TRAF3: variants seen among roughly 807,000 people sequenced by gnomAD.
TRAF3 encodes the protein TNF receptor-associated factor 3.
Under a neutral mutation model 62.3 loss-of-function variants are expected in TRAF3, and 13 were observed. That is an observed-to-expected ratio of 0.21 (90% CI 0.14 to 0.33). The LOEUF is 0.33. Ranked by LOEUF, TRAF3 falls within the 10% of genes least tolerant of loss-of-function variation. The pLI is 1.00. For synonymous variants in TRAF3, 269 were observed against 283.4 expected, an observed-to-expected ratio of 0.95 and a Z score of 0.51; for missense variants, 440 against 741.8, an observed-to-expected ratio of 0.59 and a Z score of 4.73.
At chr14:102,813,593 G>A (rs1278885952) in intron 1 of TRAF3, among the ~76,000 whole-genome samples, 5 of 151,878 alleles carry the variant, frequency 3.3e-5, no homozygotes, top group Non-Finnish European at 5.9e-5. Flanking sequence ...TGGGACTACA[G>A]GCGCACACCA....
intron 1 of TRAF3, among the ~76,000 whole-genome samples, chr14:102,784,107 G>A (rs1393050079): frequency 6.6e-6 from 1 of 151,430 alleles, no homozygotes; most frequent in African/African-American, 2.4e-5. Flanking sequence ...GTTTAGGTAA[G>A]TAATTCTCCC....
chr14:102,784,424 C>T (rs368317395), intron 1 of TRAF3, among the ~76,000 whole-genome samples: 4 of 152,036 alleles, frequency 2.6e-5, no homozygotes, highest in South Asian at 4.1e-4. Flanking sequence ...GGTTTCACCA[C>T]GTTGGCCAGG....
intron 2 of TRAF3, among the ~76,000 whole-genome samples, chr14:102,850,968 G>A (rs925267087): frequency 3.9e-5 from 6 of 152,144 alleles, no homozygotes; most frequent in Non-Finnish European, 8.8e-5. Flanking sequence ...ATAGGCAGTG[G>A]CCTCAGATTC....
In TRAF3 at chr14:102,848,835, G is replaced by A. The variant is rs1328288534; in HGVS notation, c.-18+18363G>A. Among the ~76,000 whole-genome samples the A allele has an allele frequency of 2.0e-5, 3 of 152,200 alleles. No individual in the cohort carries two copies. The East Asian group carries it at 5.8e-4, about 29-fold the overall frequency. ...TGGACATGTTCTTCTGCCTGTGGGT[G>A]GATATAGAGGCTCGATCGCTTTCTG... On this transcript the variant is annotated intron_variant, in intron 2 of 11. Transcript: ENST00000392745.
At chr14:102,861,725 G>A (rs1387368264) in intron 2 of TRAF3, among the ~76,000 whole-genome samples, 1 of 152,146 alleles carries the variant, frequency 6.6e-6, no homozygotes, top group Non-Finnish European at 1.5e-5. Context: ...GTGAAAGCAA[G>A]TTTATTATAG....
Position 102,875,717 on chromosome 14 carries a change from G to C in TRAF3, c.391G>C (p.Gly131Arg), listed in dbSNP as rs1247291316. 4 of 1,613,686 alleles carry C rather than the reference G, an allele frequency of 2.5e-6. No individual in the cohort carries two copies. Among genetic ancestry groups the C allele is most frequent in the Non-Finnish European group, 3.4e-6 (4 of 1,179,760 alleles). ...AGGTTGTGCAGAGCAGTTAATGCTG[G>C]GACATCTGCTGGTGAGTAGCAAAGG... ...SRGCAEQLMLGHLLVHLKNDC... is the reference protein window; with the variant it reads ...SRGCAEQLMLRHLLVHLKNDC... The change falls in exon 5 of 12, where the codon GGA becomes CGA. Residue 131 changes from glycine to arginine, a missense_variant. By Grantham distance (125) the Gly-to-Arg change is moderately radical. This residue lies in a region of TRAF3 where 255 missense variants were observed against 424.1 expected (regional missense o/e 0.60). Transcript: ENST00000392745.
intron 6 of TRAF3, among the ~76,000 whole-genome samples, chr14:102,879,538 C>T (rs951860568): frequency 4.6e-5 from 7 of 152,024 alleles, no homozygotes; most frequent in South Asian, 2.1e-4. Flanking sequence ...GGATTATAGG[C>T]GTGAGCCATC....
Position 102,909,100 on chromosome 14 carries a change from G to A in TRAF3, c.*3316G>A, listed in dbSNP as rs1166773073. The A allele has an allele frequency of 6.6e-6, 1 of 152,416 alleles. No individual in the cohort carries two copies. Among genetic ancestry groups the A allele is most frequent in the Admixed American group, 6.5e-5 (1 of 15,290 alleles). 9.4% of individuals were successfully genotyped at this position (152,416 alleles called of 1,614,324 possible). A position where few individuals can be genotyped will look rare whatever the true frequency, so the allele number is the denominator to read the frequency against. ...GGGTGTGGAAGTGGGGGACCCACGG[G>A]GCCTGGCTTTGGGACTAGACATGCC... On this transcript the variant is annotated 3_prime_UTR_variant, in exon 12 of 12. Coordinates refer to ENST00000392745, the MANE Select transcript of TRAF3 (RefSeq NM_145725.3).
At chr14:102,839,574 C>CA (rs1302907639) in intron 2 of TRAF3, among the ~76,000 whole-genome samples, 2 of 152,184 alleles carry the variant, frequency 1.3e-5, no homozygotes, top group Admixed American at 1.3e-4. Context: ...TTACTTTCAA[C>CA]AGTGAAGAAA....
At chr14:102,803,007 C>A (rs1425377474) in intron 1 of TRAF3, among the ~76,000 whole-genome samples, 1 of 152,154 alleles carries the variant, frequency 6.6e-6, no homozygotes, top group African/African-American at 2.4e-5. Context: ...GGGGGAAAAG[C>A]CCCTTGTAAA....
chr14:102,893,611 A>G (rs774136555), intron 9 of TRAF3, among the ~76,000 whole-genome samples: 24 of 152,158 alleles, frequency 1.6e-4, no homozygotes, highest in Non-Finnish European at 3.2e-4. Flanking sequence ...AAACCCCAGG[A>G]CATACCAGAG....
intron 2 of TRAF3, among the ~76,000 whole-genome samples, chr14:102,857,425 A>C (rs1887436277): frequency 1.3e-5 from 2 of 152,252 alleles, no homozygotes; most frequent in Admixed American, 6.5e-5. Flanking sequence ...ATTTGTATAA[A>C]GTGCAGCAAG....
Position 102,903,427 on chromosome 14 carries a change from C to T in TRAF3, c.1133C>T (p.Thr378Ile). 6.2e-7 allele frequency: 1 copy of T among 1,613,704 alleles called. No homozygotes were observed. The highest frequency in any genetic ancestry group is 8.5e-7 in the Non-Finnish European group (1 of 1,179,888). ...AGCGCGGGGCAAGTGGCTCGGAACA[C>T]AGGTGAGGCAGGGGCCGGGGCCGGG... Reference protein sequence around the residue: ...DKSAGQVARNTGLLESQLSRH... With the variant: ...DKSAGQVARNIGLLESQLSRH... The change falls in exon 11 of 12, where the codon ACA becomes ATA. Residue 378 changes from threonine to isoleucine, a missense_variant and splice_region_variant. By Grantham distance (89) the Thr-to-Ile change is moderately conservative. Around this residue, in one of 6 missense-constraint regions of TRAF3, gnomAD observed 41 missense variants for 40.0 expected, o/e 1.03. Coordinates refer to ENST00000392745, the MANE Select transcript of TRAF3 (RefSeq NM_145725.3). The surrounding 1 kb of genome is among the most constrained non-coding windows in gnomAD (Gnocchi z 6.4).
chr14:102,876,824 C>T, intron 6 of TRAF3: 1 of 422,456 alleles, frequency 2.4e-6, no homozygotes. Context: ...CGTAGATAAT[C>T]CATTCCACAG....
intron 5 of TRAF3, 41 bp from the exon 6 acceptor site, chr14:102,876,317 T>G (rs1888643825): frequency 1.9e-6 from 3 of 1,607,786 alleles, no homozygotes; most frequent in Middle Eastern, 1.7e-4. Context: ...AGATTTAGGG[T>G]TTTTTTCCCA....
intron 10 of TRAF3, among the ~76,000 whole-genome samples, chr14:102,898,647 C>G (rs894766778): frequency 3.9e-5 from 6 of 152,252 alleles, no homozygotes; most frequent in Non-Finnish European, 8.8e-5. Context: ...GAAGAATGCA[C>G]AAGTACTGGA....
intron 2 of TRAF3, among the ~76,000 whole-genome samples, chr14:102,851,997 G>A (rs1438711970): frequency 2.6e-5 from 4 of 151,976 alleles, no homozygotes; most frequent in East Asian, 1.9e-4. Flanking sequence ...CAAGGCTGCC[G>A]TGAGCCATGT....
chr14:102,843,905 G>T (rs1331543062), intron 2 of TRAF3, among the ~76,000 whole-genome samples: 1 of 152,164 alleles, frequency 6.6e-6, no homozygotes, highest in African/African-American at 2.4e-5. Flanking sequence ...AATGAAAAAG[G>T]TGAAAACACT....
At chr14:102,865,262 C>T (rs888880763) in intron 2 of TRAF3, among the ~76,000 whole-genome samples, 35 of 152,190 alleles carry the variant, frequency 2.3e-4, no homozygotes, top group Admixed American at 1.8e-3. Flanking sequence ...TAGAAGGTCA[C>T]GGGGCTGCCG....
Sources: gnomAD v4.1 joint callset for allele counts (sites outside exome capture counted in the v4.1 genomes callset) on GRCh38, gnomAD v4.1.1 for gene constraint, gnomAD v4.1.1 regional missense constraint, Gnocchi (gnomAD v3.1) non-coding constraint, MANE v1.5 for transcripts, NCBI Gene and HGNC (gene_info 2026-07-23, HGNC 2026-07-21) for gene names.